ZER1: variants seen among roughly 807,000 people sequenced by gnomAD.
The protein encoded by ZER1 is zyg-11 related cell cycle regulator, also known as protein zer-1 homolog.
Under a neutral mutation model 78.8 loss-of-function variants are expected in ZER1, and 11 were observed. That is an observed-to-expected ratio of 0.14 (90% CI 0.09 to 0.23). The LOEUF (loss-of-function observed/expected upper bound fraction) is 0.23, where lower values mean the gene tolerates loss of function less well. Ranked by LOEUF, ZER1 falls within the 10% of genes least tolerant of loss-of-function variation. ZER1 has a pLI of 1.00. For missense variants in ZER1, 588 were observed against 996.9 expected, an observed-to-expected ratio of 0.59 and a Z score of 5.52; for synonymous variants, 400 against 407.0, an observed-to-expected ratio of 0.98 and a Z score of 0.21.
rs1863783899 is a variant in ZER1, at chr9:128,754,196, T to C, written c.159-237A>G. Among the ~76,000 whole-genome samples the C allele has an allele frequency of 6.6e-6, 1 of 152,168 alleles. No individual in the cohort carries two copies. Among genetic ancestry groups the C allele is most frequent in the Non-Finnish European group, 1.5e-5 (1 of 68,034 alleles). ...TTCTAGGTGATGCAGGCGCCATCTC[T>C]CCCAGTGCACATGCCTGTCACACAG... On this transcript the variant is annotated intron_variant, in intron 2 of 15. Coordinates refer to ENST00000291900, the MANE Select transcript of ZER1 (RefSeq NM_006336.4). The surrounding 1 kb of genome is among the most constrained non-coding windows in gnomAD (Gnocchi z 4.3).
chr9:128,747,628 T>C (rs1863537670), intron 8 of ZER1, among the ~76,000 whole-genome samples: 1 of 152,232 alleles, frequency 6.6e-6, no homozygotes, highest in Admixed American at 6.5e-5. Flanking sequence ...TTTGGTTTTG[T>C]TTTGACACAG....
chr9:128,737,143 CAAAAA>C (rs1015455632), intron 13 of ZER1, among the ~76,000 whole-genome samples: 1 of 149,210 alleles, frequency 6.7e-6, no homozygotes, highest in Non-Finnish European at 1.5e-5. Context: ...GACTCCGTCT[CAAAAA>C]AAAAATTTTT....
intron 13 of ZER1, 134 bp downstream of exon 13, chr9:128,739,797 A>G (rs1863227973): frequency 1.8e-6 from 2 of 1,110,850 alleles, no homozygotes; most frequent in Non-Finnish European, 1.3e-6. Flanking sequence ...CTACGTATCA[A>G]TGAGTGAAAG....
intron 8 of ZER1, among the ~76,000 whole-genome samples, chr9:128,749,099 A>C (rs1291986860): frequency 6.7e-6 from 1 of 149,182 alleles, no homozygotes; most frequent in East Asian, 2.1e-4. Flanking sequence ...AGGCCGAGGC[A>C]GGTGGATCAC....
chr9:128,754,864 C>A lies in ZER1; in HGVS notation c.158+544G>T, dbSNP rs535992449. Among the ~76,000 whole-genome samples, 2 of 152,294 alleles carry A rather than the reference C, an allele frequency of 1.3e-5. No individual in the cohort carries two copies. The highest frequency in any genetic ancestry group is 1.3e-4 in the Admixed American group (2 of 15,280). The stretch of plus-strand genomic sequence containing the variant: ...AGATTGAACTCCCAGCATTCAGTGA[C>A]TGCATAGCATGCTTCTAGGAGCCCC... On this transcript the variant is annotated intron_variant, in intron 2 of 15. Coordinates refer to ENST00000291900, the MANE Select transcript of ZER1 (RefSeq NM_006336.4). This position sits in a 1 kb window ranked among gnomAD's most constrained non-coding sequence, Gnocchi z 4.3.
Position 128,750,779 on chromosome 9 carries a change from G to A in ZER1, c.1196C>T (p.Thr399Met), listed in dbSNP as rs937375367. The change falls in exon 8 of 16, where the codon ACG (threonine) becomes ATG (methionine). Residue 399 changes from threonine to methionine, a missense_variant. By Grantham distance (81) the Thr-to-Met change is moderately conservative. Around this residue, in one of 3 missense-constraint regions of ZER1, gnomAD observed 406 missense variants for 660.1 expected, o/e 0.62. Coordinates refer to ENST00000291900, the MANE Select transcript of ZER1 (RefSeq NM_006336.4). ...GTCATATTTGTGGCACTTGAGGGCC[G>A]TGATGACCAGCTGTATGAAGACAAG... The part of the protein sequence containing the change: ...QLLRALKLVI[T>M]ALKCHKYDRN... 6.8e-6 allele frequency: 11 copies of A among 1,614,100 alleles called. No individual in the cohort carries two copies. The highest frequency in any genetic ancestry group is 2.2e-5 in the East Asian group (1 of 44,898).
chr9:128,741,950 C>T, intron 9 of ZER1, 109 bp from the exon 10 acceptor site: 1 of 1,410,260 alleles, frequency 7.1e-7, no homozygotes, highest in Non-Finnish European at 1.0e-6. Flanking sequence ...GTTCAGGAGT[C>T]TTGACGAGAT....
In ZER1 at chr9:128,741,287, C is replaced by T. The variant is rs749757902; in HGVS notation, c.1737+248G>A. On this transcript the variant is annotated intron_variant, in intron 11 of 15. Transcript: ENST00000291900. ...CCAGCTGTGGGCAGCCTGAGAACAA[C>T]GGCCGAGGAGACAGGGAGGGGCTTT... is the stretch of plus-strand genomic sequence containing the variant. Among the ~76,000 whole-genome samples, 61 of 152,298 alleles carry T rather than the reference C, an allele frequency of 4.0e-4. 2 individuals are homozygous for T. Among genetic ancestry groups the T allele is most frequent in the Admixed American group, 8.5e-4 (13 of 15,284 alleles).
chr9:128,760,791 C>A (rs1371326177), intron 1 of ZER1, among the ~76,000 whole-genome samples: 1 of 145,310 alleles, frequency 6.9e-6, no homozygotes, highest in African/African-American at 2.5e-5. Flanking sequence ...TCCAGCCTGG[C>A]GACACAGCGA....
In ZER1 at chr9:128,752,527, G is replaced by C. The variant is rs991264347; in HGVS notation, c.923+146C>G. On this transcript the variant is annotated intron_variant, in intron 5 of 15. Coordinates refer to ENST00000291900, the MANE Select transcript of ZER1 (RefSeq NM_006336.4). ...GTAGAAATGGGGTTTCACCATGTTGGCCAGGCTGGTCTCTAACTCCTGGCC... is the reference window on the plus strand; with the variant it reads ...GTAGAAATGGGGTTTCACCATGTTGCCCAGGCTGGTCTCTAACTCCTGGCC... The C allele has an allele frequency of 7.1e-6, 6 of 849,190 alleles. No individual in the cohort carries two copies. In the African/African-American group the frequency reaches 1.0e-4, roughly 15 times the overall value. The allele number at this position is 849,190 out of a possible 1,614,324, so 52.6% of individuals were successfully genotyped here. A position where few individuals can be genotyped will look rare whatever the true frequency, so the allele number is the denominator to read the frequency against.
chr9:128,766,177 T>C (rs947398938), intron 1 of ZER1, among the ~76,000 whole-genome samples: 6 of 151,576 alleles, frequency 4.0e-5, no homozygotes, highest in Non-Finnish European at 8.8e-5. Flanking sequence ...GGTGAAACCC[T>C]GTCTCTACTA....
At position 128,734,147 on chromosome 9, in the gene ZER1, AT is replaced by A. The variant is rs1862964885; in HGVS notation, c.2141-620del. On this transcript the variant is annotated intron_variant, in intron 14 of 15. Transcript: ENST00000291900. ...CGTCTCAAAAAAAAAAAAAAAAAAT[AT>A]ATATATATATATATAAAATCTTAAA... Among the ~76,000 whole-genome samples, 15 of 37,864 alleles carry A rather than the reference AT, an allele frequency of 4.0e-4. 2 individuals are homozygous for A. The highest frequency in any genetic ancestry group is 1.0e-3 in the African/African-American group (12 of 11,564). 24.8% of individuals were successfully genotyped at this position (37,864 alleles called of 152,430 possible). A position where few individuals can be genotyped will look rare whatever the true frequency, so the allele number is the denominator to read the frequency against.
intron 8 of ZER1, among the ~76,000 whole-genome samples, chr9:128,749,041 A>ATG (rs1437386597): frequency 6.9e-6 from 1 of 144,794 alleles, no homozygotes; most frequent in African/African-American, 2.5e-5. Flanking sequence ...ATATATATAT[A>ATG]TTGTGGCTGA....
intron 1 of ZER1, among the ~76,000 whole-genome samples, chr9:128,760,173 C>G (rs1189065132): frequency 6.6e-6 from 1 of 152,038 alleles, no homozygotes; most frequent in Non-Finnish European, 1.5e-5. Context: ...AGCCACTGTG[C>G]CTGGTCTCTC....
chr9:128,745,160 G>A (rs1387415158), intron 8 of ZER1, among the ~76,000 whole-genome samples: 1 of 146,476 alleles, frequency 6.8e-6, no homozygotes, highest in Non-Finnish European at 1.5e-5. Context: ...AGTTTTCTTT[G>A]TACTGTCTGC....
intron 1 of ZER1, among the ~76,000 whole-genome samples, chr9:128,764,352 C>A (rs1266507960): frequency 6.6e-6 from 1 of 152,178 alleles, no homozygotes; most frequent in African/African-American, 2.4e-5. Flanking sequence ...CCAGTGGCTG[C>A]AAATGATGCC....
chr9:128,762,703 G>A (rs543609305), intron 1 of ZER1, among the ~76,000 whole-genome samples: 6 of 152,232 alleles, frequency 3.9e-5, no homozygotes, highest in South Asian at 2.1e-4. Context: ...TCCCAGCTCC[G>A]GGCCTGTGCT....
chr9:128,731,142 C>CAA lies in ZER1; in HGVS notation c.*193_*194dup. ...CACACAAAACTTCACACTTCCTAAC[C>CAA]AAAAAAAAAATATATATATATAATA... On this transcript the variant is annotated 3_prime_UTR_variant, in exon 16 of 16. Coordinates refer to ENST00000291900, the MANE Select transcript of ZER1 (RefSeq NM_006336.4). The CAA allele has an allele frequency of 9.1e-6, 2 of 220,136 alleles. No homozygotes were observed. Among genetic ancestry groups the CAA allele is most frequent in the East Asian group, 9.1e-5 (1 of 11,002 alleles). 13.6% of individuals were successfully genotyped at this position (220,136 alleles called of 1,614,324 possible). A position where few individuals can be genotyped will look rare whatever the true frequency, so the allele number is the denominator to read the frequency against.
At chr9:128,737,154 T>A (rs905463078) in intron 13 of ZER1, among the ~76,000 whole-genome samples, 24 of 145,734 alleles carry the variant, frequency 1.6e-4, no homozygotes, top group East Asian at 1.4e-3. Flanking sequence ...AAAAAAAAAA[T>A]TTTTTTTTTT....
Sources: allele counts gnomAD v4.1 joint callset (sites outside exome capture counted in the v4.1 genomes callset), GRCh38; gene constraint gnomAD v4.1.1; regional missense constraint gnomAD v4.1.1; non-coding constraint Gnocchi (gnomAD v3.1); transcripts MANE v1.5; gene names NCBI Gene and HGNC (gene_info 2026-07-23, HGNC 2026-07-21).